POMT1: variants seen among roughly 807,000 people sequenced by gnomAD.
POMT1 encodes the protein protein O-mannosyltransferase 1.
POMT1 carries 85 observed loss-of-function variants against 101.6 expected under a neutral mutation model. The observed-to-expected ratio is 0.84, with a 90% confidence interval of 0.70 to 1.00. POMT1 has a LOEUF of 1.00. Among genes scored for constraint, POMT1 ranks in the 50% least tolerant of loss-of-function variants. The pLI is 0.00. For synonymous variants in POMT1, 371 were observed against 383.0 expected, an observed-to-expected ratio of 0.97 and a Z score of 0.37; for missense variants, 857 against 930.4, an observed-to-expected ratio of 0.92 and a Z score of 1.03.
chr9:131,521,295 C>T, intron 17 of POMT1, 51 bp from the exon 18 acceptor site: 1 of 1,613,078 alleles, frequency 6.2e-7, no homozygotes, highest in Non-Finnish European at 8.5e-7. Context: ...TCTTCTCTTC[C>T]CTCCCTGAGC....
chr9:131,519,104 C>A lies in POMT1; in HGVS notation c.1486+147C>A. ...GGCAGGTCATCTCCCTCCCTGCACC[C>A]TGCACTCAGCTGCTGCAGTAATAAC... On this transcript the variant is annotated intron_variant, in intron 15 of 19. Transcript: ENST00000402686. The surrounding 1 kb of genome is among the most constrained non-coding windows in gnomAD (Gnocchi z 4.3). The A allele has an allele frequency of 7.8e-7, 1 of 1,277,450 alleles. No homozygotes were observed. 79.1% of individuals were successfully genotyped at this position (1,277,450 alleles called of 1,614,324 possible).
intron 11 of POMT1, 77 bp downstream of exon 11, chr9:131,512,213 G>C (rs1279221557): frequency 7.6e-6 from 12 of 1,569,332 alleles, no homozygotes; most frequent in Non-Finnish European, 8.6e-6. Context: ...ATGCAGTCCT[G>C]GGCCCCCTTC....
At chr9:131,508,395 G>A (rs1039207165) in intron 5 of POMT1, among the ~76,000 whole-genome samples, 1 of 152,078 alleles carries the variant, frequency 6.6e-6, no homozygotes, top group Non-Finnish European at 1.5e-5. Context: ...GCTGGGCATG[G>A]TGGCACCCAC....
At chr9:131,510,979 T>TTG in intron 9 of POMT1, 1 of 271,184 alleles carries the variant, frequency 3.7e-6, no homozygotes, top group Non-Finnish European at 7.1e-6. Context: ...CGACGGCCAG[T>TTG]GCTGTAGTGC....
chr9:131,508,922 A>G lies in POMT1; in HGVS notation c.439A>G (p.Ile147Val). Residue 147 changes from isoleucine to valine, a missense_variant, in exon 6 of 20, where the codon ATC becomes GTC. By Grantham distance (29) the Ile-to-Val change is conservative. Transcript: ENST00000402686. ...ALLMLIENAL[I>V]TQSRLMLLES... The stretch of plus-strand genomic sequence containing the variant: ...CCTCTTTGAAACAGAGAATGCTCTC[A>G]TCACTCAGTCAAGGCTAATGCTTTT... The G allele has an allele frequency of 6.2e-7, 1 of 1,611,568 alleles. No homozygotes were observed. Among genetic ancestry groups the G allele is most frequent in the South Asian group, 1.1e-5 (1 of 91,026 alleles).
rs547536854 is a variant in POMT1, at chr9:131,503,545, C to T, written c.-31+472C>T. ...AGGAGACCAGCGGGGCGCCAACGGC[C>T]AGATGCGGCTTTGGTGTGAGACAGG... is the stretch of plus-strand genomic sequence containing the variant. On this transcript the variant is annotated intron_variant, in intron 1 of 19. Coordinates refer to ENST00000402686, the MANE Select transcript of POMT1 (RefSeq NM_001077365.2). The surrounding 1 kb of genome is among the most constrained non-coding windows in gnomAD (Gnocchi z 4.4). 2.0e-5 allele frequency among the ~76,000 whole-genome samples: 3 copies of T among 152,322 alleles called. No individual in the cohort carries two copies. The highest frequency in any genetic ancestry group is 7.2e-5 in the African/African-American group (3 of 41,560).
Position 131,513,232 on chromosome 9 carries a change from C to G in POMT1, c.1083-7C>G, listed in dbSNP as rs1428085460. 71 of 1,612,704 alleles carry G rather than the reference C, an allele frequency of 4.4e-5. 1 individual carries two copies. In the East Asian group the frequency reaches 1.6e-3, roughly 36 times the overall value. On this transcript the variant is annotated splice_polypyrimidine_tract_variant and splice_region_variant and intron_variant, in intron 11 of 19. Transcript: ENST00000402686. ...CTGTGTGGTCCCGACAGCACTGTGT[C>G]TTCCAGGCACCAGCTGGTGGTGAGC...
chr9:131,518,335 C>A, intron 13 of POMT1, 110 bp from the exon 14 acceptor site: 1 of 960,844 alleles, frequency 1.0e-6, no homozygotes, highest in Non-Finnish European at 1.7e-6. Flanking sequence ...GGGGACTTGT[C>A]CCTTTGTCTC....
At chr9:131,510,486 C>A (rs1946877929) in intron 9 of POMT1, 71 bp downstream of exon 9, 1 of 1,519,410 alleles carries the variant, frequency 6.6e-7, no homozygotes, top group Non-Finnish European at 9.1e-7. Context: ...TTCTTACAAA[C>A]ACATCAAGTG....
At chr9:131,517,549 G>T (rs1258226794) in intron 13 of POMT1, among the ~76,000 whole-genome samples, 1 of 152,150 alleles carries the variant, frequency 6.6e-6, no homozygotes, top group African/African-American at 2.4e-5. Context: ...GAGTCGCTGG[G>T]ATGACAAGTG....
At chr9:131,507,558 G>T in intron 5 of POMT1, 44 bp downstream of exon 5, 1 of 1,612,234 alleles carries the variant, frequency 6.2e-7, no homozygotes, top group Non-Finnish European at 8.5e-7. Context: ...ATGCAGGGAA[G>T]AACTGACCCT....
Position 131,522,056 on chromosome 9 carries a change from T to C in POMT1, c.1835T>C (p.Leu612Pro). The C allele has an allele frequency of 1.2e-6, 2 of 1,613,962 alleles. No homozygotes were observed. Among genetic ancestry groups the C allele is most frequent in the Non-Finnish European group, 1.7e-6 (2 of 1,179,966 alleles). The change falls in exon 19 of 20, where the codon CTG (leucine) becomes CCG (proline). Residue 612 changes from leucine (L) to proline (P), a missense_variant. Physicochemically the swap from Leu to Pro is moderately conservative, Grantham distance 98. Transcript: ENST00000402686. This position sits in a 1 kb window ranked among gnomAD's most constrained non-coding sequence, Gnocchi z 5.5. ...NVHDLPQDAW[L>P]RWVLAGALCA... The stretch of plus-strand genomic sequence containing the variant: ...GAGCCCTTTCCTATAGATGCCTGGC[T>C]GCGCTGGGTGCTGGCTGGGGCGCTG...
At chr9:131,520,264 G>A in intron 17 of POMT1, 71 bp downstream of exon 17, 1 of 1,248,424 alleles carries the variant, frequency 8.0e-7, no homozygotes, top group Non-Finnish European at 1.2e-6. Flanking sequence ...TGCATTAAGA[G>A]CAGCCGCTGC....
In POMT1 at chr9:131,523,420, G is replaced by A. The variant is rs1950348499; in HGVS notation, c.*314G>A. 2.6e-6 allele frequency: 1 copy of A among 387,608 alleles called. No individual in the cohort carries two copies. Among genetic ancestry groups the A allele is most frequent in the South Asian group, 2.2e-5 (1 of 45,278 alleles). The allele number at this position is 387,608 out of a possible 1,614,324, so 24.0% of individuals were successfully genotyped here. On this transcript the variant is annotated 3_prime_UTR_variant, in exon 20 of 20. Transcript: ENST00000402686. ...AGCCGAGAACCCAGGGCCAGCAGTG[G>A]AGCCTCAGCAGACCAGGGCCTGGTC...
Position 131,519,664 on chromosome 9 carries a change from C to T in POMT1, c.1584+178C>T, listed in dbSNP as rs200008711. Among the ~76,000 whole-genome samples the T allele has an allele frequency of 3.9e-4, 60 of 152,258 alleles. 1 individual carries two copies. The East Asian group carries it at 0.01, about 26-fold the overall frequency. ...AAGGGACTGTGTGTGACACCCCTGG[C>T]CCACACCTTGTGGCCCTGTGGTCAG... On this transcript the variant is annotated intron_variant, in intron 16 of 19. Transcript: ENST00000402686. This position sits in a 1 kb window ranked among gnomAD's most constrained non-coding sequence, Gnocchi z 4.3.
chr9:131,508,264 G>A (rs1946299548), intron 5 of POMT1, among the ~76,000 whole-genome samples: 1 of 150,634 alleles, frequency 6.6e-6, no homozygotes, highest in Admixed American at 6.6e-5. Context: ...CGGGCACGGT[G>A]GCTCACACCT....
In POMT1 at chr9:131,519,103, C is replaced by CCTGCACT. The variant is rs2131860490; in HGVS notation, c.1486+148_1486+154dup. 1.5e-6 allele frequency: 2 copies of CCTGCACT among 1,317,448 alleles called. No individual in the cohort carries two copies. The highest frequency in any genetic ancestry group is 2.9e-5 in the African/African-American group (2 of 68,720). The allele number at this position is 1,317,448 out of a possible 1,614,324, so 81.6% of individuals were successfully genotyped here. A position where few individuals can be genotyped will look rare whatever the true frequency, so the allele number is the denominator to read the frequency against. On this transcript the variant is annotated intron_variant, in intron 15 of 19. Transcript: ENST00000402686. This position sits in a 1 kb window ranked among gnomAD's most constrained non-coding sequence, Gnocchi z 4.3. ...TGGCAGGTCATCTCCCTCCCTGCAC[C>CCTGCACT]CTGCACTCAGCTGCTGCAGTAATAA... is the stretch of plus-strand genomic sequence containing the variant.
At chr9:131,507,234 A>C in intron 4 of POMT1, 134 bp from the exon 5 acceptor site, 1 of 1,358,800 alleles carries the variant, frequency 7.4e-7, no homozygotes, top group Non-Finnish European at 1.0e-6. Flanking sequence ...TCTGCTGCTG[A>C]TGGGGTCCCC....
chr9:131,505,500 A>G (rs1393011805), intron 2 of POMT1, among the ~76,000 whole-genome samples: 1 of 151,798 alleles, frequency 6.6e-6, no homozygotes, highest in Non-Finnish European at 1.5e-5. Context: ...TGACCTTGTG[A>G]TCCACCTACC....
Sources: gnomAD v4.1 joint callset for allele counts (sites outside exome capture counted in the v4.1 genomes callset) on GRCh38, gnomAD v4.1.1 for gene constraint, Gnocchi (gnomAD v3.1) non-coding constraint, MANE v1.5 for transcripts, NCBI Gene and HGNC (gene_info 2026-07-23, HGNC 2026-07-21) for gene names.